Variants in PDE7B observed in about 807,000 individuals in gnomAD.
The protein encoded by PDE7B is phosphodiesterase 7B.
In PDE7B, 29 loss-of-function variants were observed where a neutral mutation model predicts 56.2. The observed-to-expected ratio is 0.52, with a 90% CI of 0.38 to 0.70. The LOEUF (loss-of-function observed/expected upper bound fraction) is 0.70, where lower values mean the gene tolerates loss of function less well. Among genes scored for constraint, PDE7B ranks in the 30% least tolerant of loss-of-function variants. The pLI is 0.00. For missense variants in PDE7B, 490 were observed against 565.0 expected, an observed-to-expected ratio of 0.87 and a Z score of 1.35; for synonymous variants, 197 against 196.9, an observed-to-expected ratio of 1.00 and a Z score of 0.00.
chr6:135,923,710 G>A (rs1156884743), intron 1 of PDE7B, among the ~76,000 whole-genome samples: 5 of 152,064 alleles, frequency 3.3e-5, no homozygotes, highest in African/African-American at 1.2e-4. Context: ...GAGAGCAAAT[G>A]TCAAACTTGA....
intron 1 of PDE7B, among the ~76,000 whole-genome samples, chr6:135,903,028 A>G (rs1422765554): frequency 6.6e-6 from 1 of 152,172 alleles, no homozygotes. Flanking sequence ...TGTATTCCTA[A>G]CCACAATGCT....
chr6:136,048,109 C>T (rs62429940), intron 2 of PDE7B, among the ~76,000 whole-genome samples: 2,194 of 132,072 alleles, frequency 0.017, 23 homozygotes, highest in African/African-American at 0.026. Context: ...GACAGACAGA[C>T]AGATAGATAG....
At chr6:136,040,640 G>T (rs539438528) in intron 2 of PDE7B, among the ~76,000 whole-genome samples, 1 of 152,128 alleles carries the variant, frequency 6.6e-6, no homozygotes, top group African/African-American at 2.4e-5. Flanking sequence ...CTGCACAGAG[G>T]CAGAGGTTTA....
chr6:136,007,712 T>A (rs1775813125), intron 2 of PDE7B, among the ~76,000 whole-genome samples: 1 of 152,052 alleles, frequency 6.6e-6, no homozygotes, highest in African/African-American at 2.4e-5. Context: ...GGTGTATATG[T>A]CCAGCAATTT....
chr6:135,862,061 G>A (rs1273152725), intron 1 of PDE7B, among the ~76,000 whole-genome samples: 1 of 151,710 alleles, frequency 6.6e-6, no homozygotes, highest in Non-Finnish European at 1.5e-5. Flanking sequence ...CAGAATACTG[G>A]TGGTCACCGA....
At chr6:136,056,030 A>G (rs1350558196) in intron 2 of PDE7B, among the ~76,000 whole-genome samples, 1 of 152,206 alleles carries the variant, frequency 6.6e-6, no homozygotes, top group East Asian at 1.9e-4. Flanking sequence ...TTCAGAAAGG[A>G]AAAAGAAGAC....
At chr6:135,951,694 G>T (rs1246439653) in intron 2 of PDE7B, among the ~76,000 whole-genome samples, 1 of 151,736 alleles carries the variant, frequency 6.6e-6, no homozygotes, top group Admixed American at 6.6e-5. Context: ...ATATTTTGTT[G>T]GCTCAATTTC....
chr6:136,025,224 G>A lies in PDE7B; in HGVS notation c.82+77700G>A, dbSNP rs146556182. ...CACTGTGATTTAGACCACTTTGGGC[G>A]GTGCTTTAAGGAAGATATCAAAGAA... On this transcript the variant is annotated intron_variant, in intron 2 of 12. Coordinates refer to ENST00000308191, the MANE Select transcript of PDE7B (RefSeq NM_018945.4). Among the ~76,000 whole-genome samples, 1,161 of 152,150 alleles carry A rather than the reference G, an allele frequency of 7.6e-3. 13 individuals are homozygous for A. The Middle Eastern group carries it at 0.082, about 11-fold the overall frequency.
intron 8 of PDE7B, among the ~76,000 whole-genome samples, chr6:136,160,999 T>C (rs1778694089): frequency 6.6e-6 from 1 of 152,160 alleles, no homozygotes; most frequent in South Asian, 2.1e-4. Flanking sequence ...CAAAACAAGA[T>C]AAAGATATAA....
chr6:136,155,618 T>C lies in PDE7B; in HGVS notation c.580-9T>C, dbSNP rs1210942938. ...CACCAATCAATCTCCCAATTTGTTTTTTTAACAGCTTGCCAGCTTCCTCAC... is the reference window on the plus strand; with the variant it reads ...CACCAATCAATCTCCCAATTTGTTTCTTTAACAGCTTGCCAGCTTCCTCAC... On this transcript the variant is annotated splice_polypyrimidine_tract_variant and intron_variant, in intron 7 of 12. Transcript: ENST00000308191. The C allele has an allele frequency of 3.8e-6, 6 of 1,598,732 alleles. No individual in the cohort carries two copies. The highest frequency in any genetic ancestry group is 4.3e-6 in the Non-Finnish European group (5 of 1,172,212).
chr6:135,944,741 G>T (rs1470674941), intron 1 of PDE7B, among the ~76,000 whole-genome samples: 5 of 152,172 alleles, frequency 3.3e-5, no homozygotes, highest in Non-Finnish European at 5.9e-5. Flanking sequence ...CCCAGCTCCT[G>T]TGCCCATATT....
At chr6:135,884,552 G>A (rs1775667734) in intron 1 of PDE7B, among the ~76,000 whole-genome samples, 1 of 152,046 alleles carries the variant, frequency 6.6e-6, no homozygotes, top group Non-Finnish European at 1.5e-5. Flanking sequence ...CTTTCTTAAG[G>A]TCACTAGCAT....
intron 2 of PDE7B, among the ~76,000 whole-genome samples, chr6:136,080,269 T>C (rs1208507459): frequency 1.3e-5 from 2 of 152,220 alleles, no homozygotes; most frequent in African/African-American, 4.8e-5. Context: ...GCACCTAAAG[T>C]TACAGGCTCT....
At chr6:135,896,884 C>T (rs1775911826) in intron 1 of PDE7B, among the ~76,000 whole-genome samples, 1 of 152,056 alleles carries the variant, frequency 6.6e-6, no homozygotes, top group Non-Finnish European at 1.5e-5. Flanking sequence ...TAGTTAAATA[C>T]TTGTTGTCCA....
chr6:135,928,469 T>A lies in PDE7B; in HGVS notation c.22-18995T>A, dbSNP rs369485871. Among the ~76,000 whole-genome samples, 114 of 81,728 alleles carry A rather than the reference T, an allele frequency of 1.4e-3. 4 individuals carry two copies. The highest frequency in any genetic ancestry group is 4.0e-3 in the African/African-American group (101 of 25,068). 53.6% of individuals were successfully genotyped at this position (81,728 alleles called of 152,430 possible). Reference sequence around the variant, plus strand: ...TATATTTATTTATATATATATTTATTTATATATATATATTTATTTATATAT... The same window carrying A: ...TATATTTATTTATATATATATTTATATATATATATATATTTATTTATATAT... On this transcript the variant is annotated intron_variant, in intron 1 of 12. Transcript: ENST00000308191.
chr6:136,188,264 ATT>A (rs3837020), intron 12 of PDE7B, among the ~76,000 whole-genome samples: 5,618 of 148,738 alleles, frequency 0.038, 249 homozygotes, highest in African/African-American at 0.098. Flanking sequence ...ATTATTGAGC[ATT>A]TTTTTTTTTC....
At chr6:136,078,555 C>T (rs1777156612) in intron 2 of PDE7B, among the ~76,000 whole-genome samples, 1 of 148,912 alleles carries the variant, frequency 6.7e-6, no homozygotes, top group Non-Finnish European at 1.5e-5. Context: ...TATTAGATTG[C>T]ACATGGTGGT....
chr6:136,047,885 T>C (rs1336630919), intron 2 of PDE7B, among the ~76,000 whole-genome samples: 1 of 152,214 alleles, frequency 6.6e-6, no homozygotes, highest in African/African-American at 2.4e-5. Flanking sequence ...AACTCACTGA[T>C]ATCAAGGCAG....
At chr6:135,928,483 T>TTATATA (rs1187835633) in intron 1 of PDE7B, among the ~76,000 whole-genome samples, 9 of 96,866 alleles carry the variant, frequency 9.3e-5, no homozygotes, top group South Asian at 3.3e-4. Context: ...ATATATATAT[T>TTATATA]TATTTATATA....
Sources: allele counts gnomAD v4.1 joint callset (sites outside exome capture counted in the v4.1 genomes callset), GRCh38; gene constraint gnomAD v4.1.1; transcripts MANE v1.5; gene names NCBI Gene and HGNC (gene_info 2026-07-23, HGNC 2026-07-21).